Variants in AP1AR observed in about 807,000 individuals in gnomAD.
AP1AR encodes the protein AP-1 complex-associated regulatory protein.
A neutral mutation model predicts 46.3 loss-of-function variants in AP1AR; 29 were observed. The ratio of observed to expected loss-of-function variants is 0.63; its 90% CI spans 0.47 to 0.85. AP1AR has a LOEUF of 0.85. AP1AR is among the 40% of genes least tolerant of loss of function. The pLI is 0.00. For missense variants in AP1AR, 357 were observed against 356.3 expected, an observed-to-expected ratio of 1.00 and a Z score of -0.02; for synonymous variants, 122 against 122.9, an observed-to-expected ratio of 0.99 and a Z score of 0.05.
chr4:112,272,411 T>C lies in AP1AR; in HGVS notation c.*4002T>C, dbSNP rs1726991465. ...CAGACATGCGCAGTAAGGGGCAAAATGACAGAGTTTGACAAATATATGACC... is the reference window on the plus strand; with the variant it reads ...CAGACATGCGCAGTAAGGGGCAAAACGACAGAGTTTGACAAATATATGACC... On this transcript the variant is annotated 3_prime_UTR_variant, in exon 10 of 10. Transcript: ENST00000274000. Among the ~76,000 whole-genome samples, 1 of 152,054 alleles carries C rather than the reference T, an allele frequency of 6.6e-6. No individual in the cohort carries two copies. Among genetic ancestry groups the C allele is most frequent in the Admixed American group, 6.6e-5 (1 of 15,262 alleles).
At chr4:112,236,141 T>C (rs1475573265) in intron 1 of AP1AR, among the ~76,000 whole-genome samples, 1 of 151,806 alleles carries the variant, frequency 6.6e-6, no homozygotes, top group Non-Finnish European at 1.5e-5. Flanking sequence ...ATATATTCAA[T>C]TAAATCTCTA....
rs1727013401 is a variant in AP1AR at position 112,272,902 on chromosome 4, A to G, written c.*4493A>G. On this transcript the variant is annotated 3_prime_UTR_variant, in exon 10 of 10. Transcript: ENST00000274000. ...CCAGAGGTTTCGTTTAACTATGTAA[A>G]CATGTCCTAATCATAATTTCTTGAG... 1 of 152,128 alleles carries G rather than the reference A, an allele frequency of 6.6e-6. No homozygotes were observed. Among genetic ancestry groups the G allele is most frequent in the Admixed American group, 6.5e-5 (1 of 15,268 alleles). 9.4% of individuals were successfully genotyped at this position (152,128 alleles called of 1,614,324 possible). A position where few individuals can be genotyped will look rare whatever the true frequency, so the allele number is the denominator to read the frequency against.
At position 112,272,618 on chromosome 4, in the gene AP1AR, G is replaced by A. The variant is rs1489945977; in HGVS notation, c.*4209G>A. 6.6e-6 allele frequency among the ~76,000 whole-genome samples: 1 copy of A among 152,146 alleles called. No individual in the cohort carries two copies. The highest frequency in any genetic ancestry group is 2.4e-5 in the African/African-American group (1 of 41,438). On this transcript the variant is annotated 3_prime_UTR_variant, in exon 10 of 10. Transcript: ENST00000274000. The stretch of plus-strand genomic sequence containing the variant: ...AAATCTCTAAGAGCCCTAAGACAAA[G>A]GTCAAGCTGGGTACTCAATCTTTTG...
intron 1 of AP1AR, among the ~76,000 whole-genome samples, chr4:112,251,503 A>G (rs887939162): frequency 2.0e-5 from 3 of 152,180 alleles, no homozygotes; most frequent in Non-Finnish European, 4.4e-5. Flanking sequence ...GATGGCTCCT[A>G]TTGATAGTAT....
At chr4:112,233,209 T>C (rs553032584) in intron 1 of AP1AR, among the ~76,000 whole-genome samples, 1 of 152,300 alleles carries the variant, frequency 6.6e-6, no homozygotes, top group African/African-American at 2.4e-5. Context: ...ATGATCATAA[T>C]TTGAATCTTT....
chr4:112,236,908 A>C (rs910750624), intron 1 of AP1AR, among the ~76,000 whole-genome samples: 1 of 152,214 alleles, frequency 6.6e-6, no homozygotes, highest in Non-Finnish European at 1.5e-5. Context: ...ATTTCAAAAA[A>C]CGTGTCATTC....
chr4:112,243,638 AGTATT>A (rs1410610243), intron 1 of AP1AR, among the ~76,000 whole-genome samples: 1 of 152,184 alleles, frequency 6.6e-6, no homozygotes, highest in Non-Finnish European at 1.5e-5. Context: ...ATTCCTGTGC[AGTATT>A]GTATTATATG....
At position 112,267,101 on chromosome 4, in the gene AP1AR, A is replaced by G. The variant is rs2293110; in HGVS notation, c.643+385A>G. Among the ~76,000 whole-genome samples, 57 of 151,974 alleles carry G rather than the reference A, an allele frequency of 3.8e-4. 2 individuals are homozygous for G. The East Asian group carries it at 8.7e-3, about 23-fold the overall frequency. On this transcript the variant is annotated intron_variant, in intron 9 of 9. Transcript: ENST00000274000. Reference sequence around the variant, plus strand: ...AGATACAGATCTACAAAGTTATATTAGTATCTAGCTCATATTTTTTTCTTA... The same window carrying G: ...AGATACAGATCTACAAAGTTATATTGGTATCTAGCTCATATTTTTTTCTTA...
intron 1 of AP1AR, among the ~76,000 whole-genome samples, chr4:112,240,958 G>A (rs558191755): frequency 6.6e-6 from 1 of 152,194 alleles, no homozygotes; most frequent in Non-Finnish European, 1.5e-5. Flanking sequence ...CAAAAGAAGA[G>A]GGTTGTCAGT....
intron 1 of AP1AR, among the ~76,000 whole-genome samples, chr4:112,244,983 C>T (rs931009913): frequency 6.6e-6 from 1 of 152,126 alleles, no homozygotes; most frequent in Non-Finnish European, 1.5e-5. Flanking sequence ...CCAATTTACA[C>T]TATAATTTTA....
intron 1 of AP1AR, among the ~76,000 whole-genome samples, chr4:112,242,033 G>C (rs1725523766): frequency 6.6e-6 from 1 of 152,180 alleles, no homozygotes; most frequent in Non-Finnish European, 1.5e-5. Flanking sequence ...CAGATATAAA[G>C]AGGAATATGA....
intron 3 of AP1AR, among the ~76,000 whole-genome samples, chr4:112,255,100 C>G (rs1242759041): frequency 6.6e-6 from 1 of 151,760 alleles, no homozygotes; most frequent in South Asian, 2.1e-4. Context: ...GCTGGGACTA[C>G]AGGCGCCCGC....
At chr4:112,243,430 C>T (rs1725591398) in intron 1 of AP1AR, among the ~76,000 whole-genome samples, 1 of 152,154 alleles carries the variant, frequency 6.6e-6, no homozygotes, top group South Asian at 2.1e-4. Flanking sequence ...TTCTTTAATC[C>T]TTCCACTTCT....
In AP1AR at chr4:112,231,936, C is replaced by T; in HGVS notation, c.-156C>T. The T allele has an allele frequency of 1.9e-6, 1 of 533,694 alleles. No homozygotes were observed. The highest frequency in any genetic ancestry group is 2.9e-6 in the Non-Finnish European group (1 of 342,384). The allele number at this position is 533,694 out of a possible 1,614,324, so 33.1% of individuals were successfully genotyped here. On this transcript the variant is annotated 5_prime_UTR_variant, in exon 1 of 10. Transcript: ENST00000274000. The stretch of plus-strand genomic sequence containing the variant: ...CTTTGTTCCCTAGCGCCTCGTCTTT[C>T]GTCGCCCCGTGCCCTCACGCCGCCG...
intron 3 of AP1AR, chr4:112,254,983 C>T (rs761197692): frequency 2.2e-5 from 6 of 267,728 alleles, no homozygotes; most frequent in Admixed American, 5.6e-5. Flanking sequence ...TTTCTTGAGA[C>T]GGAGTCTCGC....
intron 9 of AP1AR, among the ~76,000 whole-genome samples, chr4:112,267,647 T>C (rs1455681663): frequency 6.6e-6 from 1 of 151,968 alleles, no homozygotes; most frequent in African/African-American, 2.4e-5. Flanking sequence ...ATAATGATAG[T>C]ACTGTACTCC....
At chr4:112,245,664 GA>G (rs1203179516) in intron 1 of AP1AR, among the ~76,000 whole-genome samples, 1 of 152,134 alleles carries the variant, frequency 6.6e-6, no homozygotes, top group Admixed American at 6.6e-5. Context: ...ATGATTCTGG[GA>G]AGCAAATGAA....
chr4:112,270,625 T>G lies in AP1AR; in HGVS notation c.*2216T>G, dbSNP rs1015869511. ...GTCAAGTAAAACCTGGTATGAAGCATGTTATAAGCAAAGGGAACGGCAAGT... is the reference window on the plus strand; with the variant it reads ...GTCAAGTAAAACCTGGTATGAAGCAGGTTATAAGCAAAGGGAACGGCAAGT... On this transcript the variant is annotated 3_prime_UTR_variant, in exon 10 of 10. Coordinates refer to ENST00000274000, the MANE Select transcript of AP1AR (RefSeq NM_018569.6). Among the ~76,000 whole-genome samples the G allele has an allele frequency of 6.6e-6, 1 of 152,204 alleles. No individual in the cohort carries two copies. The highest frequency in any genetic ancestry group is 1.5e-5 in the Non-Finnish European group (1 of 68,034).
intron 1 of AP1AR, among the ~76,000 whole-genome samples, chr4:112,233,050 C>T (rs1471358770): frequency 6.6e-6 from 1 of 152,162 alleles, no homozygotes; most frequent in Non-Finnish European, 1.5e-5. Context: ...GAATTCAAAC[C>T]TAGAATTGAA....
Sources: gnomAD v4.1 joint callset for allele counts (sites outside exome capture counted in the v4.1 genomes callset) on GRCh38, gnomAD v4.1.1 for gene constraint, MANE v1.5 for transcripts, NCBI Gene and HGNC (gene_info 2026-07-23, HGNC 2026-07-21) for gene names.